CTBP2: variants seen among roughly 807,000 people sequenced by gnomAD.
CTBP2 encodes the protein C-terminal-binding protein 2.
In CTBP2, 30 loss-of-function variants were observed where a neutral mutation model predicts 80.3. That is an observed-to-expected ratio of 0.37 (90% CI 0.28 to 0.51). CTBP2 has a LOEUF of 0.51. Ranked by LOEUF, CTBP2 falls within the 20% of genes least tolerant of loss-of-function variation. CTBP2 has a pLI of 0.93. For synonymous variants in CTBP2, 594 were observed against 587.4 expected (o/e 1.01, Z -0.16); for missense variants, 1,212 against 1,375.3 (o/e 0.88, Z 1.88).
intron 1 of CTBP2, among the ~76,000 whole-genome samples, chr10:125,124,450 T>G (rs533987319): frequency 3.1e-4 from 39 of 127,328 alleles, no homozygotes; most frequent in Non-Finnish European, 3.3e-5. Flanking sequence ...ATTTACTATC[T>G]GTCAGCAACA....
At chr10:125,016,330 A>G (rs1956483809) in intron 1 of CTBP2, among the ~76,000 whole-genome samples, 2 of 152,224 alleles carry the variant, frequency 1.3e-5, no homozygotes. Context: ...ATGGCTGCCC[A>G]TGAGTGCCGG....
chr10:125,093,976 G>A (rs2135719434), intron 2 of CTBP2, among the ~76,000 whole-genome samples: 1 of 152,324 alleles, frequency 6.6e-6, no homozygotes, highest in Middle Eastern at 3.4e-3. Flanking sequence ...AGGCGAGACG[G>A]CAAGGCAAAG....
chr10:125,075,696 G>T (rs1403947663), intron 2 of CTBP2, among the ~76,000 whole-genome samples: 1 of 152,218 alleles, frequency 6.6e-6, no homozygotes, highest in East Asian at 1.9e-4. Flanking sequence ...CAATGAAAAG[G>T]TATCTAATAT....
intron 2 of CTBP2, among the ~76,000 whole-genome samples, chr10:125,099,081 C>A (rs566005871): frequency 2.0e-5 from 3 of 152,182 alleles, no homozygotes; most frequent in African/African-American, 7.2e-5. Flanking sequence ...TACTAGCACA[C>A]GGTCAGGCAC....
intron 1 of CTBP2, among the ~76,000 whole-genome samples, chr10:125,022,120 C>T (rs570694005): frequency 5.9e-5 from 9 of 152,380 alleles, no homozygotes; most frequent in Non-Finnish European, 8.8e-5. Context: ...TGCCCCACGC[C>T]GGCCTGGGCG....
At chr10:125,039,124 A>G in exon 3 of CTBP2, 1 of 1,403,566 alleles carries the variant, frequency 7.1e-7, no homozygotes, top group Non-Finnish European at 1.0e-6. Flanking sequence ...GGGAACTTGC[A>G]GGAGTCTGCG....
chr10:125,059,138 G>A (rs776858886), intron 2 of CTBP2, among the ~76,000 whole-genome samples: 2 of 152,124 alleles, frequency 1.3e-5, no homozygotes, highest in African/African-American at 2.4e-5. Flanking sequence ...AAGTGTGGGC[G>A]GTGGGGGTGG....
intron 2 of CTBP2, among the ~76,000 whole-genome samples, chr10:125,070,542 G>A (rs2135446205): frequency 6.6e-6 from 1 of 150,590 alleles, no homozygotes; most frequent in Admixed American, 6.6e-5. Context: ...GGGTGACAGT[G>A]AGACTCAATT....
At chr10:125,050,125 T>C (rs1189622667) in intron 2 of CTBP2, among the ~76,000 whole-genome samples, 1 of 152,226 alleles carries the variant, frequency 6.6e-6, no homozygotes, top group African/African-American at 2.4e-5. Flanking sequence ...TGGAGGATTA[T>C]GTTTGCTTTA....
At chr10:125,000,704 C>T (rs902293187) in intron 3 of CTBP2, 3 of 152,256 alleles carry the variant, frequency 2.0e-5, no homozygotes, top group African/African-American at 4.8e-5. Context: ...TCACCAGAGG[C>T]CTAGTGTGCT....
intron 4 of CTBP2, among the ~76,000 whole-genome samples, chr10:124,995,076 T>C (rs548625413): frequency 2.6e-5 from 4 of 152,314 alleles, no homozygotes; most frequent in South Asian, 4.1e-4. Flanking sequence ...CTTCTTAACA[T>C]GAGCTTTGTG....
chr10:125,159,142 C>T (rs1591169948), intron 1 of CTBP2, among the ~76,000 whole-genome samples: 1 of 151,166 alleles, frequency 6.6e-6, no homozygotes, highest in East Asian at 2.0e-4. Context: ...CTCGGCCGCG[C>T]GGGGCCGTCC....
At chr10:125,010,940 C>T (rs1955820768) in intron 1 of CTBP2, among the ~76,000 whole-genome samples, 1 of 152,240 alleles carries the variant, frequency 6.6e-6, no homozygotes, top group Admixed American at 6.5e-5. Context: ...GCCCACTCCT[C>T]ACACTAAAAA....
intron 1 of CTBP2, among the ~76,000 whole-genome samples, chr10:125,148,172 AG>A (rs1859148150): frequency 6.6e-6 from 1 of 152,194 alleles, no homozygotes; most frequent in African/African-American, 2.4e-5. Context: ...AGTGTTTGAA[AG>A]GAAGAAAGAC....
intron 2 of CTBP2, among the ~76,000 whole-genome samples, chr10:125,046,917 A>G (rs1052751901): frequency 8.5e-5 from 13 of 152,244 alleles, no homozygotes; most frequent in African/African-American, 2.9e-4. Flanking sequence ...AAAATTCTAA[A>G]TATTTTCACT....
At chr10:125,072,446 C>A (rs1018832066) in intron 2 of CTBP2, among the ~76,000 whole-genome samples, 4 of 152,058 alleles carry the variant, frequency 2.6e-5, no homozygotes, top group African/African-American at 9.7e-5. Context: ...GAAACCTCAT[C>A]TCTACTAAAA....
chr10:125,102,146 G>A (rs1381141411), intron 2 of CTBP2, among the ~76,000 whole-genome samples: 1 of 152,144 alleles, frequency 6.6e-6, no homozygotes, highest in African/African-American at 2.4e-5. Context: ...TTTGCAAGAG[G>A]GGGAAACTGA....
intron 1 of CTBP2, among the ~76,000 whole-genome samples, chr10:125,017,363 G>C (rs191139526): frequency 6.6e-6 from 1 of 152,148 alleles, no homozygotes; most frequent in Non-Finnish European, 1.5e-5. Context: ...CGGGTTCATC[G>C]GTCCCATCTT....
chr10:125,086,530 G>A (rs1289346448), intron 2 of CTBP2, among the ~76,000 whole-genome samples: 3 of 149,830 alleles, frequency 2.0e-5, no homozygotes, highest in East Asian at 4.0e-4. Flanking sequence ...CAGGAGAATC[G>A]CTTGAACCTG....
Sources: gnomAD v4.1 joint callset for allele counts (sites outside exome capture counted in the v4.1 genomes callset) on GRCh38, gnomAD v4.1.1 for gene constraint, MANE v1.5 for transcripts, NCBI Gene and HGNC (gene_info 2026-07-23, HGNC 2026-07-21) for gene names.